Variants in GPC3 observed in about 807,000 individuals in gnomAD.
GPC3 encodes the protein glypican 3, also known as glypican-3.
In GPC3, 3 loss-of-function variants were observed where a neutral mutation model predicts 34.4. The observed-to-expected ratio is 0.09, with a 90% CI of 0.04 to 0.23. GPC3 has a LOEUF of 0.23. Among genes scored for constraint, GPC3 ranks in the 10% least tolerant of loss-of-function variants. The pLI is 1.00. For synonymous variants in GPC3, 177 were observed against 174.0 expected (o/e 1.02, Z -0.13); for missense variants, 351 against 445.6 (o/e 0.79, Z 1.91).
intron 2 of GPC3, among the ~76,000 whole-genome samples, chrX:133,946,714 G>A (rs1237981503): frequency 1.8e-5 from 2 of 111,148 alleles, no homozygotes; most frequent in Admixed American, 1.9e-4. Context: ...AGCTGATGGA[G>A]CCTGGAACTG....
chrX:133,619,492 C>G (rs1221334805), intron 6 of GPC3, among the ~76,000 whole-genome samples: 1 of 111,844 alleles, frequency 8.9e-6, no homozygotes, highest in African/African-American at 3.2e-5. Context: ...CAATGAAATA[C>G]TATTCAGCCA....
intron 6 of GPC3, among the ~76,000 whole-genome samples, chrX:133,643,379 A>G (rs1306002864): frequency 8.9e-6 from 1 of 111,836 alleles, no homozygotes; most frequent in Non-Finnish European, 1.9e-5. Flanking sequence ...TCAGTTGGGG[A>G]CCAAGGAGGA....
At position 133,760,904 on chromosome X, in the gene GPC3, C is replaced by T. The variant is rs755638921; in HGVS notation, c.338-6728G>A. ...AGAGGGAGTACACAGAAACTCTGTA[C>T]TAACTGCTCTATTTTTCTTTAAATC... On this transcript the variant is annotated intron_variant, in intron 2 of 7. Transcript: ENST00000370818. Among the ~76,000 whole-genome samples the T allele has an allele frequency of 1.8e-3, 196 of 111,241 alleles. 1 individual carries two copies. Among genetic ancestry groups the T allele is most frequent in the Middle Eastern group, 9.3e-3 (2 of 214 alleles).
chrX:133,776,973 A>C (rs1480060508), intron 2 of GPC3, among the ~76,000 whole-genome samples: 2 of 93,574 alleles, frequency 2.1e-5, no homozygotes, highest in Non-Finnish European at 4.1e-5. Context: ...TCCACCTCCC[A>C]GGTTCAAGTG....
At chrX:133,894,521 T>C (rs1026986704) in intron 2 of GPC3, among the ~76,000 whole-genome samples, 3 of 111,954 alleles carry the variant, frequency 2.7e-5, no homozygotes, top group Non-Finnish European at 3.8e-5. Context: ...TAATGAGCAG[T>C]TTGGTGTGAC....
intron 1 of GPC3, among the ~76,000 whole-genome samples, chrX:133,976,136 A>G (rs2076513675): frequency 8.9e-6 from 1 of 112,411 alleles, no homozygotes; most frequent in South Asian, 3.7e-4. Flanking sequence ...CCAACTGAAA[A>G]TGGTTTACTC....
At chrX:133,886,987 T>C (rs971841866) in intron 2 of GPC3, among the ~76,000 whole-genome samples, 6 of 112,592 alleles carry the variant, frequency 5.3e-5, no homozygotes, top group African/African-American at 1.9e-4. Flanking sequence ...GTGGATCATA[T>C]GGTAATTCTA....
intron 7 of GPC3, among the ~76,000 whole-genome samples, chrX:133,558,054 T>A (rs1222018436): frequency 1.8e-5 from 2 of 111,399 alleles, no homozygotes; most frequent in East Asian, 5.7e-4. Flanking sequence ...GTTGTCTTTT[T>A]AATTTCTTTG....
At chrX:133,554,507 C>CT (rs2069467690) in intron 7 of GPC3, among the ~76,000 whole-genome samples, 1 of 110,477 alleles carries the variant, frequency 9.1e-6, no homozygotes, top group African/African-American at 3.3e-5. Flanking sequence ...AGTAAACAAC[C>CT]TTTTCCACCA....
rs6634938 is a variant in GPC3, at chrX:133,817,331, C to G, written c.338-63155G>C. Among the ~76,000 whole-genome samples, 103 of 111,497 alleles carry G rather than the reference C, an allele frequency of 9.2e-4. 2 individuals carry two copies. The East Asian group carries it at 0.025, about 27-fold the overall frequency. ...TAACCCTCTTTGTATTACAGTGATG[C>G]CAGACAAATCAGGTATCCTGAAAAA... On this transcript the variant is annotated intron_variant, in intron 2 of 7. Coordinates refer to ENST00000370818, the MANE Select transcript of GPC3 (RefSeq NM_004484.4).
rs765072095 is a variant in GPC3 at position 133,753,717 on chromosome X, T to C, written c.797A>G (p.Gln266Arg). ...ACAGGGTTTAACCATCATCAGTCCCTGGCAGTAAGAGCAGTACCACATTCT... is the reference window on the plus strand; with the variant it reads ...ACAGGGTTTAACCATCATCAGTCCCCGGCAGTAAGAGCAGTACCACATTCT... ...LTRMWYCSYC[Q>R]GLMMVKPCGG... The change falls in exon 3 of 8, where the codon CAG becomes CGG. Residue 266 changes from glutamine (Q) to arginine (R), a missense_variant. By Grantham distance (43) the Gln-to-Arg change is conservative (BLOSUM62 1). Coordinates refer to ENST00000370818, the MANE Select transcript of GPC3 (RefSeq NM_004484.4). The C allele has an allele frequency of 9.9e-6, 12 of 1,209,667 alleles. No homozygotes were observed. The Admixed American group carries it at 1.7e-4, about 18-fold the overall frequency.
chrX:133,955,095 A>G (rs778258190), intron 1 of GPC3, among the ~76,000 whole-genome samples: 5 of 110,910 alleles, frequency 4.5e-5, no homozygotes, highest in Non-Finnish European at 7.6e-5. Flanking sequence ...GGCTGTGAAT[A>G]TGGGCATCTC....
At chrX:133,950,777 T>C (rs1730487557) in intron 2 of GPC3, among the ~76,000 whole-genome samples, 1 of 111,831 alleles carries the variant, frequency 8.9e-6, no homozygotes, top group Admixed American at 9.5e-5. Context: ...CTCCAAATGT[T>C]TGTTACAAAA....
intron 2 of GPC3, among the ~76,000 whole-genome samples, chrX:133,762,170 C>T (rs746352250): frequency 1.2e-4 from 13 of 112,116 alleles, no homozygotes; most frequent in Non-Finnish European, 3.8e-5. Flanking sequence ...TGTTTTCTCA[C>T]AAGTATGAGT....
intron 2 of GPC3, among the ~76,000 whole-genome samples, chrX:133,946,674 A>T (rs759337758): frequency 9.0e-6 from 1 of 110,985 alleles, no homozygotes; most frequent in Admixed American, 9.6e-5. Context: ...CATGAAACCC[A>T]GGGGTGCATT....
chrX:133,671,303 C>A, intron 5 of GPC3: 4 of 812,732 alleles, frequency 4.9e-6, no homozygotes, highest in Non-Finnish European at 7.5e-6. Flanking sequence ...AAGAAAGCAA[C>A]GAAAGGAATG....
At chrX:133,901,959 G>A (rs887596093) in intron 2 of GPC3, among the ~76,000 whole-genome samples, 5 of 111,731 alleles carry the variant, frequency 4.5e-5, no homozygotes, top group African/African-American at 1.6e-4. Context: ...ACTTAGACTC[G>A]CTGAGTCTCA....
At chrX:133,793,873 C>A (rs2075561856) in intron 2 of GPC3, among the ~76,000 whole-genome samples, 1 of 111,706 alleles carries the variant, frequency 9.0e-6, no homozygotes, top group Admixed American at 9.5e-5. Flanking sequence ...TTTAAACCCT[C>A]AGGAGGTGAA....
intron 5 of GPC3, among the ~76,000 whole-genome samples, chrX:133,671,663 TTC>T (rs778608026): frequency 3.6e-5 from 4 of 111,944 alleles, no homozygotes; most frequent in African/African-American, 9.7e-5. Context: ...GTAAATCTGT[TTC>T]TCTTTCTTTT....
Sources: allele counts gnomAD v4.1 joint callset (sites outside exome capture counted in the v4.1 genomes callset), GRCh38; gene constraint gnomAD v4.1.1; transcripts MANE v1.5; gene names NCBI Gene and HGNC (gene_info 2026-07-23, HGNC 2026-07-21).